The following TEC variants were observed in gnomAD, a reference collection of about 807,000 sequenced individuals.
The protein encoded by TEC is tyrosine-protein kinase Tec.
TEC carries 72 observed loss-of-function variants against 93.0 expected under a neutral mutation model. That is an observed-to-expected ratio of 0.77 (90% CI 0.64 to 0.94). The LOEUF (loss-of-function observed/expected upper bound fraction) is 0.94. Among genes scored for constraint, TEC ranks in the 40% least tolerant of loss-of-function variants. The pLI, the probability that TEC is intolerant of heterozygous loss-of-function variation, is 0.00. For missense variants in TEC, 630 were observed against 757.9 expected (o/e 0.83, Z 1.98); for synonymous variants, 249 against 247.7 (o/e 1.01, Z -0.05).
intron 8 of TEC, among the ~76,000 whole-genome samples, chr4:48,159,461 C>T (rs1190170923): frequency 1.3e-5 from 2 of 152,012 alleles, no homozygotes; most frequent in African/African-American, 2.4e-5. Context: ...GGCACGATCT[C>T]GGCTCACTGC....
intron 17 of TEC, 65 bp from the exon 18 acceptor site, chr4:48,137,564 TCCAACTCC>T: frequency 7.5e-7 from 1 of 1,326,654 alleles, no homozygotes; most frequent in Non-Finnish European, 1.1e-6. Context: ...CTCTCACTGC[TCCAACTCC>T]TAAACACAGC....
Position 48,228,514 on chromosome 4 carries a change from G to C in TEC, c.101C>G (p.Thr34Arg), listed in dbSNP as rs148824532. Residue 34 changes from threonine (T) to arginine (R), a missense_variant, in exon 2 of 18, where the codon ACA (threonine) becomes AGA (arginine). Physicochemically the swap from Thr to Arg is moderately conservative, Grantham distance 71 (BLOSUM62 -1). Coordinates refer to ENST00000381501, the MANE Select transcript of TEC (RefSeq NM_003215.3). Reference protein sequence around the residue: ...LNYKERLFVLTKSMLTYYEGR... With the variant: ...LNYKERLFVLRKSMLTYYEGR... ...CTCATAGTAGGTTAGCATGGACTTT[G>C]TAAGTACAAAAAGTCTCTCTTTGTA... 1.2e-4 allele frequency: 190 copies of C among 1,612,578 alleles called. No homozygotes were observed. The highest frequency in any genetic ancestry group is 1.6e-4 in the Non-Finnish European group (189 of 1,179,838).
At chr4:48,178,090 C>A (rs1222938071) in intron 2 of TEC, among the ~76,000 whole-genome samples, 2 of 152,216 alleles carry the variant, frequency 1.3e-5, no homozygotes, top group African/African-American at 4.8e-5. Flanking sequence ...TTTCCCTATT[C>A]CCTTCATGCC....
chr4:48,243,861 A>G (rs993354835), intron 1 of TEC, among the ~76,000 whole-genome samples: 16 of 152,136 alleles, frequency 1.1e-4, no homozygotes, highest in African/African-American at 3.9e-4. Flanking sequence ...AGAAACAACT[A>G]ATGTAAATGA....
chr4:48,182,997 C>T (rs991734638), intron 2 of TEC, among the ~76,000 whole-genome samples: 1 of 152,106 alleles, frequency 6.6e-6, no homozygotes, highest in Non-Finnish European at 1.5e-5. Flanking sequence ...CCAAATGATT[C>T]GTCCCTTTCC....
chr4:48,206,658 T>A (rs1309045492), intron 2 of TEC, among the ~76,000 whole-genome samples: 1 of 151,580 alleles, frequency 6.6e-6, no homozygotes, highest in Non-Finnish European at 1.5e-5. Context: ...ATATGAAAAG[T>A]TGGCCAGGCG....
Position 48,141,383 on chromosome 4 carries a change from C to A in TEC, c.1507G>T (p.Val503Leu). The A allele has an allele frequency of 6.2e-7, 1 of 1,613,820 alleles. No individual in the cohort carries two copies. The highest frequency in any genetic ancestry group is 8.5e-7 in the Non-Finnish European group (1 of 1,179,932). The change falls in exon 15 of 18, where the codon GTA becomes TTA. Residue 503 changes from valine to leucine, a missense_variant. Val to Leu is a conservative substitution (Grantham distance 32). Around this residue, in one of 3 missense-constraint regions of TEC, gnomAD observed 289 missense variants for 390.0 expected, o/e 0.74. Transcript: ENST00000381501. ...GCCATTCCAAAATCAGATACTTTTA[C>A]AACTCCCGCCTCACTTACTAGACAA... ...RNCLVSEAGV[V>L]KVSDFGMARY... is the part of the protein sequence containing the mutation.
intron 8 of TEC, among the ~76,000 whole-genome samples, chr4:48,162,035 T>C (rs1232827582): frequency 6.6e-6 from 1 of 152,166 alleles, no homozygotes; most frequent in Non-Finnish European, 1.5e-5. Context: ...TAAACTCCCT[T>C]TTATATATAC....
intron 9 of TEC, among the ~76,000 whole-genome samples, chr4:48,152,835 A>C (rs1720231218): frequency 6.6e-6 from 1 of 152,220 alleles, no homozygotes; most frequent in African/African-American, 2.4e-5. Context: ...CATCAACTAC[A>C]AAAACAAGCA....
At chr4:48,194,883 T>G (rs1417373000) in intron 2 of TEC, among the ~76,000 whole-genome samples, 2 of 152,186 alleles carry the variant, frequency 1.3e-5, no homozygotes, top group Non-Finnish European at 2.9e-5. Flanking sequence ...TCTACAGGAA[T>G]ATTCATTCAA....
chr4:48,163,845 G>T, intron 7 of TEC, 78 bp from the exon 8 acceptor site: 1 of 781,824 alleles, frequency 1.3e-6, no homozygotes, highest in South Asian at 1.9e-5. Flanking sequence ...ATTGCCTTTT[G>T]AAATAAAGCA....
At chr4:48,262,076 G>A (rs1724509202) in intron 1 of TEC, among the ~76,000 whole-genome samples, 1 of 151,956 alleles carries the variant, frequency 6.6e-6, no homozygotes, top group Non-Finnish European at 1.5e-5. Flanking sequence ...CAATACACTT[G>A]AGAAAACTTA....
At chr4:48,216,027 A>C (rs1184326595) in intron 2 of TEC, among the ~76,000 whole-genome samples, 1 of 152,160 alleles carries the variant, frequency 6.6e-6, no homozygotes, top group Non-Finnish European at 1.5e-5. Flanking sequence ...ATTACTAACA[A>C]ATCAACTATC....
chr4:48,166,519 T>A (rs1720879690), intron 7 of TEC, among the ~76,000 whole-genome samples: 1 of 152,142 alleles, frequency 6.6e-6, no homozygotes, highest in African/African-American at 2.4e-5. Context: ...GTGTTTTTTT[T>A]AAGTCTTTAG....
chr4:48,168,440 C>T (rs1720963962), intron 6 of TEC, 146 bp downstream of exon 6: 2 of 754,676 alleles, frequency 2.7e-6, no homozygotes, highest in Non-Finnish European at 2.2e-6. Flanking sequence ...AGCTACAGCA[C>T]ATCTGCTTCT....
chr4:48,231,399 C>T (rs576145472), intron 1 of TEC, among the ~76,000 whole-genome samples: 1 of 152,272 alleles, frequency 6.6e-6, no homozygotes, highest in East Asian at 1.9e-4. Context: ...ATGCAAATAC[C>T]ATTTCTCTGG....
chr4:48,138,452 T>C (rs745800796), intron 17 of TEC, among the ~76,000 whole-genome samples: 7 of 152,254 alleles, frequency 4.6e-5, no homozygotes, highest in Non-Finnish European at 1.0e-4. Context: ...GGAAGCAGCC[T>C]GAATGTATCG....
intron 7 of TEC, among the ~76,000 whole-genome samples, chr4:48,166,308 G>A (rs1037282725): frequency 6.6e-6 from 1 of 152,148 alleles, no homozygotes; most frequent in African/African-American, 2.4e-5. Flanking sequence ...AATCCAAACC[G>A]TGCCTTTCTT....
chr4:48,220,971 C>A (rs1723239063), intron 2 of TEC, among the ~76,000 whole-genome samples: 1 of 152,230 alleles, frequency 6.6e-6, no homozygotes, highest in South Asian at 2.1e-4. Flanking sequence ...TACCACAACT[C>A]CTGTCTGACT....
Sources: gnomAD v4.1 joint callset for allele counts (sites outside exome capture counted in the v4.1 genomes callset) on GRCh38, gnomAD v4.1.1 for gene constraint, gnomAD v4.1.1 regional missense constraint, MANE v1.5 for transcripts, NCBI Gene and HGNC (gene_info 2026-07-23, HGNC 2026-07-21) for gene names.